The following GPC6 variants were observed in gnomAD, a reference collection of about 807,000 sequenced individuals.
GPC6 encodes glypican-6.
In GPC6, 14 loss-of-function variants were observed where a neutral mutation model predicts 55.2. The observed-to-expected ratio is 0.25, with a 90% confidence interval of 0.17 to 0.40. The LOEUF (loss-of-function observed/expected upper bound fraction) is 0.40. Among genes scored for constraint, GPC6 ranks in the 10% least tolerant of loss-of-function variants. The pLI, the probability that GPC6 is intolerant of heterozygous loss-of-function variation, is 1.00. For synonymous variants in GPC6, 278 were observed against 259.6 expected, an observed-to-expected ratio of 1.07 and a Z score of -0.68; for missense variants, 641 against 708.5, an observed-to-expected ratio of 0.90 and a Z score of 1.08.
At chr13:93,792,847 A>G (rs546503671) in intron 2 of GPC6, among the ~76,000 whole-genome samples, 2 of 152,258 alleles carry the variant, frequency 1.3e-5, no homozygotes, top group South Asian at 2.1e-4. Context: ...AGGCTGAACT[A>G]TTGGGGAATG....
chr13:93,809,881 C>T (rs1886645615), intron 2 of GPC6, among the ~76,000 whole-genome samples: 1 of 152,170 alleles, frequency 6.6e-6, no homozygotes, highest in African/African-American at 2.4e-5. Context: ...TACCTGGCCC[C>T]AGAGAAGTTT....
intron 6 of GPC6, among the ~76,000 whole-genome samples, chr13:94,372,133 TTTC>T (rs1187537308): frequency 6.6e-6 from 1 of 152,142 alleles, no homozygotes; most frequent in Non-Finnish European, 1.5e-5. Flanking sequence ...ACTTTCTTGC[TTTC>T]TTCTTTCACT....
chr13:94,398,451 C>A lies in GPC6; in HGVS notation c.1290-15C>A. ...GGCATCTCCCTGAGGTGTTCTCTCA[C>A]TCTCTGCCTTGCAGATACTTGCCTG... On this transcript the variant is annotated splice_polypyrimidine_tract_variant and intron_variant, in intron 7 of 8. Coordinates refer to ENST00000377047, the MANE Select transcript of GPC6 (RefSeq NM_005708.5). 1 of 1,602,694 alleles carries A rather than the reference C, an allele frequency of 6.2e-7. No homozygotes were observed. Among genetic ancestry groups the A allele is most frequent in the African/African-American group, 1.3e-5 (1 of 74,826 alleles).
rs149929621 is a variant in GPC6 at position 93,790,048 on chromosome 13, T to C, written c.320-40106T>C. Among the ~76,000 whole-genome samples, 5 of 152,308 alleles carry C rather than the reference T, an allele frequency of 3.3e-5. No homozygotes were observed. In the East Asian group the frequency reaches 9.7e-4, roughly 29 times the overall value. On this transcript the variant is annotated intron_variant, in intron 2 of 8. Transcript: ENST00000377047. ...ATTGAAAATGTGGCAACATGTATGA[T>C]GCCATCTTCAAATGTCAGTAGTAAG...
intron 2 of GPC6, among the ~76,000 whole-genome samples, chr13:93,731,381 T>G (rs981425280): frequency 6.6e-6 from 1 of 152,154 alleles, no homozygotes; most frequent in Admixed American, 6.6e-5. Context: ...GGAAGCTTAC[T>G]GAGTCTTTTA....
intron 2 of GPC6, among the ~76,000 whole-genome samples, chr13:93,614,549 A>G (rs750349008): frequency 6.6e-6 from 1 of 152,192 alleles, no homozygotes; most frequent in Non-Finnish European, 1.5e-5. Context: ...TGGCTGGTAC[A>G]TAGTAAGCAT....
chr13:94,381,348 G>A (rs769217655), intron 6 of GPC6, among the ~76,000 whole-genome samples: 3 of 152,148 alleles, frequency 2.0e-5, no homozygotes, highest in Non-Finnish European at 2.9e-5. Context: ...AGGTGTCGGC[G>A]GGGTTGGGTC....
At chr13:94,340,670 T>C (rs1416949073) in intron 6 of GPC6, among the ~76,000 whole-genome samples, 8 of 152,216 alleles carry the variant, frequency 5.3e-5, no homozygotes, top group Admixed American at 2.0e-4. Context: ...AATAGTGTCA[T>C]GGTACTTAAA....
the GPC6 span, among the ~76,000 whole-genome samples, chr13:93,219,497 C>T: frequency 4.6e-5 from 7 of 152,030 alleles, no homozygotes; most frequent in Non-Finnish European, 7.4e-5. Flanking sequence ...TGAAATGATA[C>T]TGCCTTATGG....
chr13:93,322,700 A>G (rs1053290177), intron 1 of GPC6, among the ~76,000 whole-genome samples: 4 of 152,154 alleles, frequency 2.6e-5, no homozygotes, highest in Non-Finnish European at 5.9e-5. Flanking sequence ...TCAGCCTCCC[A>G]AAGTGCTGGG....
intron 2 of GPC6, among the ~76,000 whole-genome samples, chr13:93,693,046 A>G (rs749317287): frequency 3.3e-5 from 5 of 152,042 alleles, no homozygotes; most frequent in African/African-American, 9.7e-5. Context: ...ATAATAAAGG[A>G]CTATGTAATA....
intron 3 of GPC6, among the ~76,000 whole-genome samples, chr13:93,864,938 T>G (rs553274103): frequency 1.3e-5 from 2 of 151,868 alleles, no homozygotes; most frequent in South Asian, 4.1e-4. Context: ...ATTCAAATTT[T>G]GTGTAAAGAT....
chr13:93,690,495 T>C (rs1344365600), intron 2 of GPC6, among the ~76,000 whole-genome samples: 1 of 151,978 alleles, frequency 6.6e-6, no homozygotes, highest in Non-Finnish European at 1.5e-5. Context: ...CACTAGAATT[T>C]TCTGATTCTA....
intron 2 of GPC6, among the ~76,000 whole-genome samples, chr13:93,766,523 T>C (rs544423961): frequency 2.0e-5 from 3 of 151,956 alleles, no homozygotes; most frequent in African/African-American, 7.2e-5. Flanking sequence ...GGTAAATAAA[T>C]AAATGAAAAT....
At chr13:93,542,954 G>T (rs954889336) in intron 1 of GPC6, among the ~76,000 whole-genome samples, 2 of 152,102 alleles carry the variant, frequency 1.3e-5, no homozygotes, top group South Asian at 2.1e-4. Context: ...TAGATATACA[G>T]TCATGTCTTC....
rs559320979 is a variant in GPC6, at chr13:93,744,791, G to A, written c.320-85363G>A. Among the ~76,000 whole-genome samples, 6 of 151,816 alleles carry A rather than the reference G, an allele frequency of 4.0e-5. No individual in the cohort carries two copies. In the South Asian group the frequency reaches 1.3e-3, roughly 32 times the overall value. ...GAAAAAAAAATACAAAAATTAGCTG[G>A]GTGTGGTGGAGCATGCTTGTAGTCC... On this transcript the variant is annotated intron_variant, in intron 2 of 8. Coordinates refer to ENST00000377047, the MANE Select transcript of GPC6 (RefSeq NM_005708.5).
At chr13:93,850,810 TGAG>T (rs1242854481) in intron 3 of GPC6, among the ~76,000 whole-genome samples, 2 of 151,960 alleles carry the variant, frequency 1.3e-5, no homozygotes, top group East Asian at 1.9e-4. Context: ...TTTGATGAAG[TGAG>T]GAGATTAGAC....
intron 4 of GPC6, among the ~76,000 whole-genome samples, chr13:94,205,301 T>A (rs1185442518): frequency 6.6e-6 from 1 of 152,192 alleles, no homozygotes; most frequent in South Asian, 2.1e-4. Context: ...CATGTGTCTT[T>A]GTATTTGTGA....
intron 1 of GPC6, among the ~76,000 whole-genome samples, chr13:93,243,648 CTGTT>C (rs1422363705): frequency 3.3e-5 from 5 of 152,104 alleles, no homozygotes; most frequent in African/African-American, 1.2e-4. Flanking sequence ...CTAAATAAGG[CTGTT>C]TGGTGTGGTT....
Sources: gnomAD v4.1 joint callset for allele counts (sites outside exome capture counted in the v4.1 genomes callset) on GRCh38, gnomAD v4.1.1 for gene constraint, MANE v1.5 for transcripts, NCBI Gene and HGNC (gene_info 2026-07-23, HGNC 2026-07-21) for gene names.